Variants in IGF1R observed in about 807,000 individuals in gnomAD.
IGF1R encodes the protein insulin-like growth factor 1 receptor.
Under a neutral mutation model 144.6 loss-of-function variants are expected in IGF1R, and 44 were observed. That is an observed-to-expected ratio of 0.30 (90% CI 0.24 to 0.39). IGF1R has a LOEUF of 0.39. IGF1R is among the 10% of genes least tolerant of loss of function. The probability of loss-of-function intolerance (pLI) is 1.00; values close to 1 mark genes in which losing one functional copy is unlikely to be tolerated. For synonymous variants in IGF1R, 795 were observed against 722.8 expected, an observed-to-expected ratio of 1.10 and a Z score of -1.60; for missense variants, 1,355 against 1,833.7, an observed-to-expected ratio of 0.74 and a Z score of 4.77.
In IGF1R at chr15:98,871,157, A is replaced by G. The variant is rs142909194; in HGVS notation, c.641-20168A>G. On this transcript the variant is annotated intron_variant, in intron 2 of 20. Transcript: ENST00000650285. ...AGAGATTCCTTTGACCTGGGAAGTC[A>G]TAATGGCAGATATTTAGACCCAGCT... Among the ~76,000 whole-genome samples the G allele has an allele frequency of 5.3e-3, 806 of 152,382 alleles. 6 individuals carry two copies. Among genetic ancestry groups the G allele is most frequent in the African/African-American group, 0.019 (772 of 41,590 alleles).
chr15:98,687,125 T>A (rs1396850540), intron 1 of IGF1R, among the ~76,000 whole-genome samples: 1 of 152,252 alleles, frequency 6.6e-6, no homozygotes, highest in African/African-American at 2.4e-5. Flanking sequence ...GTCATTCATT[T>A]GCCCAGTGTT....
intron 2 of IGF1R, among the ~76,000 whole-genome samples, chr15:98,804,085 C>T (rs550402709): frequency 1.3e-4 from 20 of 152,292 alleles, no homozygotes; most frequent in African/African-American, 2.6e-4. Flanking sequence ...GGACCACTAT[C>T]GTATATGCAC....
At chr15:98,830,427 C>G (rs2056979032) in intron 2 of IGF1R, among the ~76,000 whole-genome samples, 1 of 152,214 alleles carries the variant, frequency 6.6e-6, no homozygotes, top group Non-Finnish European at 1.5e-5. Context: ...GCTTTCTGGA[C>G]TCTACAGTTT....
At chr15:98,896,669 A>C in intron 3 of IGF1R, 88 bp from the exon 4 acceptor site, 1 of 1,339,630 alleles carries the variant, frequency 7.5e-7, no homozygotes, top group East Asian at 2.4e-5. Flanking sequence ...CTGTAATAAC[A>C]ATGAAAAGCA....
At position 98,939,279 on chromosome 15, in the gene IGF1R, C is replaced by G; in HGVS notation, c.3376C>G (p.Leu1126Val). 1 of 1,613,682 alleles carries G rather than the reference C, an allele frequency of 6.2e-7. No individual in the cohort carries two copies. The highest frequency in any genetic ancestry group is 8.5e-7 in the Non-Finnish European group (1 of 1,179,608). Residue 1126 changes from leucine (L) to valine (V), a missense_variant, in exon 18 of 21, where the codon CTC (leucine) becomes GTC (valine). By Grantham distance (32) the Leu-to-Val change is conservative. Transcript: ENST00000650285. Reference protein sequence around the residue: ...AGEIADGMAYLNANKFVHRDL... With the variant: ...AGEIADGMAYVNANKFVHRDL... ...AGAGATTGCAGACGGCATGGCATACCTCAACGCCAATAAGTTCGTCCACAG... is the reference window on the plus strand; with the variant it reads ...AGAGATTGCAGACGGCATGGCATACGTCAACGCCAATAAGTTCGTCCACAG...
At chr15:98,724,007 T>G (rs1364193522) in intron 2 of IGF1R, among the ~76,000 whole-genome samples, 1 of 152,194 alleles carries the variant, frequency 6.6e-6, no homozygotes, top group Admixed American at 6.5e-5. Context: ...TTGGAGCAGT[T>G]TAGGCCAATC....
chr15:98,927,860 C>T (rs190977902), intron 13 of IGF1R, among the ~76,000 whole-genome samples: 1 of 152,242 alleles, frequency 6.6e-6, no homozygotes. Context: ...TTACTTGATC[C>T]CCAGTGATTC....
chr15:98,714,227 G>C (rs1000500168), intron 2 of IGF1R, among the ~76,000 whole-genome samples: 1 of 151,750 alleles, frequency 6.6e-6, no homozygotes, highest in Admixed American at 6.6e-5. Context: ...ATCCTTGTTT[G>C]TCAGCCACTG....
At chr15:98,882,285 G>C (rs1567176054) in intron 2 of IGF1R, among the ~76,000 whole-genome samples, 1 of 152,244 alleles carries the variant, frequency 6.6e-6, no homozygotes, top group South Asian at 2.1e-4. Context: ...ACCTGCATGA[G>C]GGCTGGGGAG....
chr15:98,780,418 G>A lies in IGF1R; in HGVS notation c.640+72311G>A, dbSNP rs536257523. Among the ~76,000 whole-genome samples the A allele has an allele frequency of 5.2e-4, 79 of 151,750 alleles. 1 individual carries two copies. The highest frequency in any genetic ancestry group is 1.3e-3 in the African/African-American group (54 of 41,440). On this transcript the variant is annotated intron_variant, in intron 2 of 20. Transcript: ENST00000650285. ...ATACAAAATTAGCCACAGTGGTGGC[G>A]CATGCCTGTAATCCCAGCTACTCAG...
In IGF1R at chr15:98,661,956, C is replaced by CTTTTTTTTTTTTTTTTTT. The variant is rs869208651; in HGVS notation, c.94+12290_94+12307dup. ...GAATTGCTGCCAGTTGAATAGGGCCCTTTTTTTTTTTTTTTTTTTTTTTTT... is the reference window on the plus strand; with the variant it reads ...GAATTGCTGCCAGTTGAATAGGGCCCTTTTTTTTTTTTTTTTTTTTTTTTTTTTTTTTTTTTTTTTTTT... On this transcript the variant is annotated intron_variant, in intron 1 of 20. Coordinates refer to ENST00000650285, the MANE Select transcript of IGF1R (RefSeq NM_000875.5). 3.9e-4 allele frequency among the ~76,000 whole-genome samples: 41 copies of CTTTTTTTTTTTTTTTTTT among 105,710 alleles called. 3 individuals carry two copies. The highest frequency in any genetic ancestry group is 1.3e-3 in the African/African-American group (28 of 22,336). The allele number at this position is 105,710 out of a possible 152,430, so 69.3% of individuals were successfully genotyped here. A position where few individuals can be genotyped will look rare whatever the true frequency, so the allele number is the denominator to read the frequency against.
At chr15:98,689,534 C>T (rs908853825) in intron 1 of IGF1R, among the ~76,000 whole-genome samples, 5 of 131,490 alleles carry the variant, frequency 3.8e-5, no homozygotes, top group Admixed American at 7.4e-5. Flanking sequence ...GCCAGTTGCA[C>T]TACATTTTTT....
At chr15:98,728,514 G>C (rs371252860) in intron 2 of IGF1R, among the ~76,000 whole-genome samples, 1 of 152,254 alleles carries the variant, frequency 6.6e-6, no homozygotes, top group South Asian at 2.1e-4. Flanking sequence ...GTCCCACTCA[G>C]TTGTATTTGA....
At chr15:98,671,269 ATTG>A (rs1298786750) in intron 1 of IGF1R, among the ~76,000 whole-genome samples, 1 of 152,220 alleles carries the variant, frequency 6.6e-6, no homozygotes, top group Non-Finnish European at 1.5e-5. Flanking sequence ...AAAAGTGACC[ATTG>A]TTTTTAATCA....
intron 5 of IGF1R, among the ~76,000 whole-genome samples, chr15:98,907,207 C>T (rs1048033670): frequency 6.6e-6 from 1 of 152,180 alleles, no homozygotes; most frequent in African/African-American, 2.4e-5. Context: ...TGTGAATGTT[C>T]AGGAAAATGT....
intron 1 of IGF1R, among the ~76,000 whole-genome samples, chr15:98,661,160 A>G (rs976783879): frequency 3.9e-5 from 6 of 152,104 alleles, no homozygotes; most frequent in Middle Eastern, 3.4e-3. Context: ...TATTTTTTGC[A>G]TTGTTTTCTT....
chr15:98,812,028 TTC>T (rs2056601938), intron 2 of IGF1R, among the ~76,000 whole-genome samples: 1 of 152,256 alleles, frequency 6.6e-6, no homozygotes, highest in African/African-American at 2.4e-5. Flanking sequence ...ATATTTCTAG[TTC>T]TTTTACTTGT....
chr15:98,692,138 T>G (rs1223526629), intron 1 of IGF1R, among the ~76,000 whole-genome samples: 2 of 151,938 alleles, frequency 1.3e-5, no homozygotes, highest in Non-Finnish European at 2.9e-5. Flanking sequence ...GAGTTCAAGA[T>G]CAGCCTGGGC....
At chr15:98,649,793 CGGCGGGGTGG>C in intron 1 of IGF1R, 118 bp downstream of exon 1, 3 of 752,660 alleles carry the variant, frequency 4.0e-6, no homozygotes, top group Non-Finnish European at 6.7e-6. Flanking sequence ...GGCTCGGGAG[CGGCGGGGTGG>C]GGCGCAGGGC....
Sources: allele counts gnomAD v4.1 joint callset (sites outside exome capture counted in the v4.1 genomes callset), GRCh38; gene constraint gnomAD v4.1.1; transcripts MANE v1.5; gene names NCBI Gene and HGNC (gene_info 2026-07-23, HGNC 2026-07-21).